The following FUT8 variants were observed in gnomAD, a reference collection of about 807,000 sequenced individuals.
FUT8 encodes fucosyltransferase 8.
A neutral mutation model predicts 71.3 loss-of-function variants in FUT8; 29 were observed. The observed-to-expected ratio is 0.41, with a 90% CI of 0.30 to 0.55. The LOEUF is 0.55. Among genes scored for constraint, FUT8 ranks in the 20% least tolerant of loss-of-function variants. The pLI, the probability that FUT8 is intolerant of heterozygous loss-of-function variation, is 0.34. For synonymous variants in FUT8, 254 were observed against 239.3 expected (o/e 1.06, Z -0.57); for missense variants, 544 against 702.1 (o/e 0.77, Z 2.55).
At chr14:65,570,887 G>A (rs1594777934) in intron 3 of FUT8, among the ~76,000 whole-genome samples, 1 of 152,058 alleles carries the variant, frequency 6.6e-6, no homozygotes, top group Non-Finnish European at 1.5e-5. Context: ...GCTGAGTCTT[G>A]CCCAATCCCA....
chr14:65,364,998 C>T, the FUT8 span, among the ~76,000 whole-genome samples: 1 of 152,136 alleles, frequency 6.6e-6, no homozygotes, highest in Non-Finnish European at 1.5e-5. Context: ...ACAGTGTGTA[C>T]CTTTTGAAGT....
rs1443008667 is a variant in FUT8 at position 65,617,828 on chromosome 14, C to T, written c.482+1455C>T. 6.6e-5 allele frequency among the ~76,000 whole-genome samples: 10 copies of T among 151,836 alleles called. No individual in the cohort carries two copies. In the East Asian group the frequency reaches 1.7e-3, roughly 26 times the overall value. ...GCATGGTGGCACATGCCTGTGATCCCAGCTACTTGGGAGGCTGAGGCCCAA... is the reference window on the plus strand; with the variant it reads ...GCATGGTGGCACATGCCTGTGATCCTAGCTACTTGGGAGGCTGAGGCCCAA... On this transcript the variant is annotated intron_variant, in intron 5 of 10. Transcript: ENST00000673929.
chr14:65,505,884 C>T (rs568533775), intron 2 of FUT8, among the ~76,000 whole-genome samples: 1 of 152,118 alleles, frequency 6.6e-6, no homozygotes, highest in East Asian at 1.9e-4. Flanking sequence ...TTATTATCTT[C>T]CTAGGAAAAC....
At chr14:65,432,780 A>T (rs1214450357) in intron 1 of FUT8, among the ~76,000 whole-genome samples, 3 of 152,194 alleles carry the variant, frequency 2.0e-5, no homozygotes, top group Admixed American at 6.5e-5. Flanking sequence ...TACAAATGCC[A>T]TGGCAATGTC....
At chr14:65,578,656 T>G (rs1335698574) in intron 3 of FUT8, among the ~76,000 whole-genome samples, 1 of 152,170 alleles carries the variant, frequency 6.6e-6, no homozygotes, top group Non-Finnish European at 1.5e-5. Context: ...GCCAAAAGAT[T>G]GGACACCCCT....
chr14:65,640,410 A>C (rs1355871625), intron 6 of FUT8, among the ~76,000 whole-genome samples: 1 of 152,088 alleles, frequency 6.6e-6, no homozygotes, highest in Non-Finnish European at 1.5e-5. Flanking sequence ...TAAGCGTTTA[A>C]CATTCTTGGT....
intron 2 of FUT8, among the ~76,000 whole-genome samples, chr14:65,552,826 A>G (rs1359035703): frequency 6.6e-6 from 1 of 152,170 alleles, no homozygotes; most frequent in African/African-American, 2.4e-5. Context: ...TTTAATAAAA[A>G]CTACTTGTTG....
intron 7 of FUT8, among the ~76,000 whole-genome samples, chr14:65,703,297 C>T (rs1894402675): frequency 6.6e-6 from 1 of 152,226 alleles, no homozygotes; most frequent in African/African-American, 2.4e-5. Context: ...CTACATGTAT[C>T]TTCTTCCCTC....
At chr14:65,704,632 A>G (rs1289201016) in intron 7 of FUT8, among the ~76,000 whole-genome samples, 1 of 152,246 alleles carries the variant, frequency 6.6e-6, no homozygotes, top group African/African-American at 2.4e-5. Flanking sequence ...GACTGTTGGC[A>G]GTATCCCCTT....
intron 3 of FUT8, among the ~76,000 whole-genome samples, chr14:65,584,894 C>G (rs1422117634): frequency 6.6e-6 from 1 of 152,156 alleles, no homozygotes; most frequent in African/African-American, 2.4e-5. Context: ...TGTAGTCAGA[C>G]AGATCTAATT....
chr14:65,600,370 T>A (rs2064695), intron 3 of FUT8, among the ~76,000 whole-genome samples: 1 of 151,940 alleles, frequency 6.6e-6, no homozygotes, highest in African/African-American at 2.4e-5. Flanking sequence ...GTTACTTCAT[T>A]TATGCAAAAA....
chr14:65,678,560 G>A (rs1396613561), intron 7 of FUT8, among the ~76,000 whole-genome samples: 1 of 152,108 alleles, frequency 6.6e-6, no homozygotes, highest in African/African-American at 2.4e-5. Flanking sequence ...TAGGATGATG[G>A]CTGGGAGTAA....
At chr14:65,662,281 G>C (rs1349039895) in intron 6 of FUT8, among the ~76,000 whole-genome samples, 2 of 152,128 alleles carry the variant, frequency 1.3e-5, no homozygotes, top group Non-Finnish European at 2.9e-5. Context: ...GGCTACTTGG[G>C]GGGATGAGGT....
Position 65,413,713 on chromosome 14 carries a change from T to A in FUT8, c.-326+499T>A, listed in dbSNP as rs2065176769. 6.6e-6 allele frequency among the ~76,000 whole-genome samples: 1 copy of A among 152,136 alleles called. No homozygotes were observed. Among genetic ancestry groups the A allele is most frequent in the Middle Eastern group, 3.2e-3 (1 of 316 alleles). On this transcript the variant is annotated intron_variant, in intron 1 of 10. Transcript: ENST00000673929. This position sits in a 1 kb window ranked among gnomAD's most constrained non-coding sequence, Gnocchi z 4.1. ...AGCAGGGAGTGGACCCTCACAAAGA[T>A]CCGCGAGGGACTGATGCAGGGCAGT... is the stretch of plus-strand genomic sequence containing the variant.
At chr14:65,620,013 C>A (rs1024658784) in intron 5 of FUT8, among the ~76,000 whole-genome samples, 1 of 152,174 alleles carries the variant, frequency 6.6e-6, no homozygotes. Flanking sequence ...GTCTTATCAA[C>A]CTTTCAGGCT....
intron 7 of FUT8, among the ~76,000 whole-genome samples, chr14:65,710,047 G>A (rs761348598): frequency 2.6e-5 from 4 of 152,144 alleles, no homozygotes; most frequent in Non-Finnish European, 5.9e-5. Flanking sequence ...AAATGTAAGA[G>A]GAAAAGCAGT....
intron 3 of FUT8, among the ~76,000 whole-genome samples, chr14:65,614,412 A>C (rs1889173629): frequency 1.3e-5 from 2 of 152,214 alleles, no homozygotes; most frequent in African/African-American, 4.8e-5. Flanking sequence ...GTACGTATTA[A>C]TTTCCTATTG....
chr14:65,563,648 A>T (rs775416509), intron 3 of FUT8, among the ~76,000 whole-genome samples: 1 of 151,942 alleles, frequency 6.6e-6, no homozygotes, highest in African/African-American at 2.4e-5. Flanking sequence ...TGCTCCTAAA[A>T]AGATTTTTCC....
intron 3 of FUT8, among the ~76,000 whole-genome samples, chr14:65,598,646 A>G (rs1385958140): frequency 6.6e-6 from 1 of 152,106 alleles, no homozygotes; most frequent in Non-Finnish European, 1.5e-5. Flanking sequence ...CTCCAGTTCA[A>G]CTTCATTTTA....
Sources: gnomAD v4.1 joint callset for allele counts (sites outside exome capture counted in the v4.1 genomes callset) on GRCh38, gnomAD v4.1.1 for gene constraint, Gnocchi (gnomAD v3.1) non-coding constraint, MANE v1.5 for transcripts, NCBI Gene and HGNC (gene_info 2026-07-23, HGNC 2026-07-21) for gene names.